Variants in WDFY4 observed in about 807,000 individuals in gnomAD.
WDFY4 encodes WDFY family member 4.
In WDFY4, 169 loss-of-function variants were observed where a neutral mutation model predicts 351.9. The ratio of observed to expected loss-of-function variants is 0.48; its 90% CI spans 0.42 to 0.55. The LOEUF (loss-of-function observed/expected upper bound fraction) is 0.55. WDFY4 is among the 20% of genes least tolerant of loss of function. The pLI, the probability that WDFY4 is intolerant of heterozygous loss-of-function variation, is 0.00. For synonymous variants in WDFY4, 1,622 were observed against 1,574.6 expected, an observed-to-expected ratio of 1.03 and a Z score of -0.71; for missense variants, 3,803 against 3,935.6, an observed-to-expected ratio of 0.97 and a Z score of 0.90.
intron 12 of WDFY4, among the ~76,000 whole-genome samples, chr10:48,747,271 C>T (rs1042538312): frequency 5.9e-5 from 9 of 152,088 alleles, no homozygotes; most frequent in Admixed American, 6.5e-5. Context: ...TCATTTTTCT[C>T]TGGTCGCTTT....
chr10:48,794,621 G>C (rs982192086), intron 23 of WDFY4, among the ~76,000 whole-genome samples: 2 of 152,170 alleles, frequency 1.3e-5, no homozygotes, highest in African/African-American at 4.8e-5. Context: ...ATGGAGCTGG[G>C]AATATAATTA....
intron 23 of WDFY4, among the ~76,000 whole-genome samples, chr10:48,795,188 G>C (rs1011024593): frequency 6.6e-6 from 1 of 151,914 alleles, no homozygotes; most frequent in East Asian, 1.9e-4. Context: ...TGTTAATTTG[G>C]TGGTGGGAAA....
intron 13 of WDFY4, among the ~76,000 whole-genome samples, chr10:48,768,484 A>G (rs375986276): frequency 2.0e-5 from 3 of 151,668 alleles, no homozygotes; most frequent in Non-Finnish European, 2.9e-5. Context: ...CCGAAAGCCC[A>G]TTTTCCTCAC....
intron 47 of WDFY4, among the ~76,000 whole-genome samples, chr10:48,924,499 G>T (rs1564492751): frequency 6.6e-6 from 1 of 152,362 alleles, no homozygotes; most frequent in Admixed American, 6.5e-5. Flanking sequence ...TGGGCGAATA[G>T]ACAGACGAAT....
At chr10:48,775,449 T>C (rs1320494100) in intron 14 of WDFY4, among the ~76,000 whole-genome samples, 1 of 152,242 alleles carries the variant, frequency 6.6e-6, no homozygotes, top group Non-Finnish European at 1.5e-5. Context: ...TAGAAACTTA[T>C]AAACAATTAC....
At chr10:48,913,738 G>C in intron 47 of WDFY4, 2 of 1,613,512 alleles carry the variant, frequency 1.2e-6, no homozygotes, top group Non-Finnish European at 1.7e-6. Context: ...AGGGCCCCCA[G>C]TGTGGTGGGC....
intron 13 of WDFY4, among the ~76,000 whole-genome samples, chr10:48,768,014 C>A (rs1261431971): frequency 6.6e-6 from 1 of 152,272 alleles, no homozygotes. Flanking sequence ...GGGGACCACA[C>A]TGGGGACTGT....
Position 48,976,850 on chromosome 10 carries a change from A to T in WDFY4, c.9162A>T (p.Gly3054=). ...GAHLSLWNVN[G]QPLASITTAW... The stretch of plus-strand genomic sequence containing the variant: ...ACTTGTCCCTGTGGAATGTCAATGG[A>T]CAGCCCCTGGCCAGCATCACCACAG... Residue 3054 remains glycine, a synonymous_variant, in exon 59 of 62, where the codon GGA becomes GGT. Coordinates refer to ENST00000325239, the MANE Select transcript of WDFY4 (RefSeq NM_001394531.1). The T allele has an allele frequency of 6.5e-7, 1 of 1,530,830 alleles. No individual in the cohort carries two copies. The highest frequency in any genetic ancestry group is 2.1e-5 in the Admixed American group (1 of 48,604). The allele number at this position is 1,530,830 out of a possible 1,614,324, so 94.8% of individuals were successfully genotyped here.
At position 48,976,829 on chromosome 10, in the gene WDFY4, G is replaced by A; in HGVS notation, c.9141G>A (p.Leu3047=). 6.6e-7 allele frequency: 1 copy of A among 1,509,942 alleles called. No homozygotes were observed. Among genetic ancestry groups the A allele is most frequent in the Non-Finnish European group, 8.9e-7 (1 of 1,123,982 alleles). 93.5% of individuals were successfully genotyped at this position (1,509,942 alleles called of 1,614,324 possible). A position where few individuals can be genotyped will look rare whatever the true frequency, so the allele number is the denominator to read the frequency against. Residue 3047 remains leucine (L), a synonymous_variant, in exon 59 of 62, where the codon TTG becomes TTA. Transcript: ENST00000325239. ...TTGTCTCCTGTGCGGGAGCACACTTGTCCCTGTGGAATGTCAATGGACAGC... is the reference window on the plus strand; with the variant it reads ...TTGTCTCCTGTGCGGGAGCACACTTATCCCTGTGGAATGTCAATGGACAGC... ...GTIVSCAGAH[L]SLWNVNGQPL...
rs1462909422 is a variant in WDFY4, at chr10:48,897,561, G to A, written c.7424G>A (p.Arg2475His). Reference protein sequence around the residue: ...YADMRELRQARFLLQDIALEI... With the variant: ...YADMRELRQAHFLLQDIALEI... ...GACATGCGGGAGCTACGGCAGGCTC[G>A]CTTCCTCCTGCAGGTAAGCACACTG... The change falls in exon 45 of 62, where the codon CGC (arginine) becomes CAC (histidine). Residue 2475 changes from arginine to histidine, a missense_variant. Physicochemically the swap from Arg to His is conservative, Grantham distance 29. This residue lies in a region of WDFY4 where 3,054 missense variants were observed against 3,148.6 expected (regional missense o/e 0.97). Transcript: ENST00000325239. 2.1e-5 allele frequency: 33 copies of A among 1,547,220 alleles called. No individual in the cohort carries two copies. Among genetic ancestry groups the A allele is most frequent in the Non-Finnish European group, 2.5e-5 (29 of 1,146,942 alleles).
chr10:48,923,506 A>ATATATATATATATATATATATATG (rs143983467), intron 47 of WDFY4, among the ~76,000 whole-genome samples: 1 of 115,114 alleles, frequency 8.7e-6, no homozygotes. Flanking sequence ...GTATATATAT[A>ATATATATATATATATATATATATG]TATATATGTC....
chr10:48,708,827 A>G (rs1351122605), intron 1 of WDFY4, among the ~76,000 whole-genome samples: 1 of 152,360 alleles, frequency 6.6e-6, no homozygotes, highest in African/African-American at 2.4e-5. Context: ...AAAAATATCA[A>G]GTATAAACCA....
At chr10:48,725,357 G>C (rs992264631) in intron 5 of WDFY4, among the ~76,000 whole-genome samples, 3 of 152,126 alleles carry the variant, frequency 2.0e-5, no homozygotes, top group African/African-American at 7.2e-5. Context: ...ATGCTACGGT[G>C]GTGGGATTTT....
chr10:48,728,215 G>A (rs188984572), intron 7 of WDFY4, among the ~76,000 whole-genome samples: 37 of 152,316 alleles, frequency 2.4e-4, no homozygotes, highest in African/African-American at 7.9e-4. Context: ...CCCTACTGGT[G>A]TTTTCTGGGA....
chr10:48,739,703 T>G (rs1235147372), intron 11 of WDFY4, among the ~76,000 whole-genome samples: 1 of 152,158 alleles, frequency 6.6e-6, no homozygotes, highest in Non-Finnish European at 1.5e-5. Context: ...GACTCTGAAT[T>G]TAATAAATCA....
chr10:48,928,995 G>A (rs1289399982), intron 47 of WDFY4, among the ~76,000 whole-genome samples: 1 of 152,202 alleles, frequency 6.6e-6, no homozygotes, highest in Admixed American at 6.5e-5. Flanking sequence ...TGACAGGTGT[G>A]ATGGATGTTA....
At chr10:48,745,246 G>A (rs1037995085) in intron 12 of WDFY4, among the ~76,000 whole-genome samples, 23 of 152,100 alleles carry the variant, frequency 1.5e-4, no homozygotes, top group Non-Finnish European at 3.4e-4. Context: ...AGTCATCTTT[G>A]CTATTTACTT....
At chr10:48,923,678 AC>A (rs1400404193) in intron 47 of WDFY4, among the ~76,000 whole-genome samples, 1 of 151,712 alleles carries the variant, frequency 6.6e-6, no homozygotes, top group Non-Finnish European at 1.5e-5. Context: ...CCATTTATCA[AC>A]CCTCTGAGCA....
At chr10:48,848,418 T>C (rs1224637948) in intron 39 of WDFY4, among the ~76,000 whole-genome samples, 1 of 152,210 alleles carries the variant, frequency 6.6e-6, no homozygotes, top group East Asian at 1.9e-4. Context: ...CTGGATCCTT[T>C]GCAACTAGTA....
Sources: allele counts gnomAD v4.1 joint callset (sites outside exome capture counted in the v4.1 genomes callset), GRCh38; gene constraint gnomAD v4.1.1; regional missense constraint gnomAD v4.1.1; transcripts MANE v1.5; gene names NCBI Gene and HGNC (gene_info 2026-07-23, HGNC 2026-07-21).